DLG2: variants seen among roughly 807,000 people sequenced by gnomAD.
DLG2 encodes the protein disks large homolog 2.
A neutral mutation model predicts 132.5 loss-of-function variants in DLG2; 45 were observed. The observed-to-expected ratio is 0.34, with a 90% CI of 0.27 to 0.44. The LOEUF is 0.44. Ranked by LOEUF, DLG2 falls within the 20% of genes least tolerant of loss-of-function variation. The pLI is 1.00. For missense variants in DLG2, 1,045 were observed against 1,196.9 expected (o/e 0.87, Z 1.87); for synonymous variants, 424 against 419.6 (o/e 1.01, Z -0.13).
At chr11:84,266,097 C>G (rs1029744646) in intron 7 of DLG2, among the ~76,000 whole-genome samples, 1 of 152,052 alleles carries the variant, frequency 6.6e-6, no homozygotes, top group Non-Finnish European at 1.5e-5. Context: ...TGCTAATACT[C>G]CATTTTAATG....
chr11:83,548,976 T>C (rs1303276469), intron 19 of DLG2, among the ~76,000 whole-genome samples: 1 of 152,130 alleles, frequency 6.6e-6, no homozygotes, highest in Non-Finnish European at 1.5e-5. Context: ...GATTTATAAA[T>C]GAACAAGTGA....
intron 4 of DLG2, among the ~76,000 whole-genome samples, chr11:85,234,556 C>T (rs1309212666): frequency 6.6e-6 from 1 of 152,004 alleles, no homozygotes; most frequent in East Asian, 1.9e-4. Flanking sequence ...TTTGAGTAGA[C>T]AATTAAATGG....
chr11:84,349,821 G>A (rs980982803), intron 7 of DLG2, among the ~76,000 whole-genome samples: 8 of 145,230 alleles, frequency 5.5e-5, no homozygotes, highest in African/African-American at 2.3e-4. Context: ...GCAACACAGT[G>A]AGACTCTGCC....
Position 83,815,448 on chromosome 11 carries a change from C to T in DLG2, c.1722+18166G>A, listed in dbSNP as rs78929180. Among the ~76,000 whole-genome samples the T allele has an allele frequency of 6.0e-4, 92 of 152,264 alleles. No homozygotes were observed. In the East Asian group the frequency reaches 0.014, roughly 23 times the overall value. On this transcript the variant is annotated intron_variant, in intron 17 of 27. Transcript: ENST00000376104. Reference sequence around the variant, plus strand: ...AATTCATTCTGGATAGTTACCATCACGTAACCAGAGGTGGGAAGGTTGGTT... The same window carrying T: ...AATTCATTCTGGATAGTTACCATCATGTAACCAGAGGTGGGAAGGTTGGTT...
At chr11:85,370,246 A>AAC (rs2084873920) in intron 3 of DLG2, among the ~76,000 whole-genome samples, 1 of 152,242 alleles carries the variant, frequency 6.6e-6, no homozygotes. Context: ...ACTACTAGAA[A>AAC]TAGATTTACA....
At chr11:84,257,367 T>C (rs996521318) in intron 7 of DLG2, among the ~76,000 whole-genome samples, 3 of 152,162 alleles carry the variant, frequency 2.0e-5, no homozygotes, top group Admixed American at 2.0e-4. Flanking sequence ...TATCACTACC[T>C]GAAGGTTTGT....
At chr11:85,041,225 T>A (rs763903713) in intron 6 of DLG2, among the ~76,000 whole-genome samples, 34 of 152,060 alleles carry the variant, frequency 2.2e-4, no homozygotes, top group South Asian at 2.1e-4. Flanking sequence ...GCAGTAGCAG[T>A]GATACTATAA....
intron 7 of DLG2, among the ~76,000 whole-genome samples, chr11:84,473,544 C>A (rs985402544): frequency 3.9e-5 from 6 of 151,970 alleles, no homozygotes; most frequent in Admixed American, 1.3e-4. Flanking sequence ...AATGCCATCA[C>A]TCTTACTTGG....
intron 3 of DLG2, among the ~76,000 whole-genome samples, chr11:85,405,340 G>A (rs1311498206): frequency 2.0e-5 from 3 of 151,910 alleles, no homozygotes; most frequent in Non-Finnish European, 4.4e-5. Context: ...TGGCCAAGAA[G>A]TCCTTACGCA....
chr11:85,279,498 C>T (rs2078101781), intron 4 of DLG2, among the ~76,000 whole-genome samples: 1 of 152,040 alleles, frequency 6.6e-6, no homozygotes. Flanking sequence ...GTAGCTAAAG[C>T]TTATGTATGA....
intron 6 of DLG2, among the ~76,000 whole-genome samples, chr11:84,816,039 G>C (rs1052005199): frequency 1.3e-5 from 2 of 152,046 alleles, no homozygotes; most frequent in African/African-American, 4.8e-5. Context: ...AAGGACAAAT[G>C]AGTGGAAGTA....
At chr11:84,018,891 CAT>C (rs1379832173) in intron 11 of DLG2, among the ~76,000 whole-genome samples, 1 of 150,842 alleles carries the variant, frequency 6.6e-6, no homozygotes, top group African/African-American at 2.4e-5. Flanking sequence ...TCCAGGAAAA[CAT>C]ATAGGAATAG....
intron 11 of DLG2, among the ~76,000 whole-genome samples, chr11:84,034,360 A>G (rs2095802519): frequency 2.0e-5 from 3 of 152,164 alleles, no homozygotes; most frequent in Admixed American, 2.0e-4. Context: ...TGTAAACATA[A>G]CTGTTACATG....
At chr11:84,770,112 C>G (rs896510557) in intron 6 of DLG2, among the ~76,000 whole-genome samples, 5 of 152,060 alleles carry the variant, frequency 3.3e-5, no homozygotes, top group African/African-American at 7.2e-5. Context: ...TGAGTTCTTG[C>G]AAGATCTGGT....
intron 6 of DLG2, among the ~76,000 whole-genome samples, chr11:84,538,591 T>A (rs1001452144): frequency 1.3e-5 from 2 of 150,592 alleles, no homozygotes; most frequent in Admixed American, 1.3e-4. Flanking sequence ...CTTCCCTTAC[T>A]CCCTATGTTT....
At chr11:85,193,386 G>T (rs901199419) in intron 4 of DLG2, among the ~76,000 whole-genome samples, 1 of 152,144 alleles carries the variant, frequency 6.6e-6, no homozygotes, top group East Asian at 1.9e-4. Context: ...TCATATATAA[G>T]TTTTCATAGA....
chr11:84,065,761 C>T (rs920218258), intron 10 of DLG2, among the ~76,000 whole-genome samples: 2 of 152,126 alleles, frequency 1.3e-5, no homozygotes, highest in African/African-American at 4.8e-5. Context: ...AAGATATATG[C>T]ACACATATGT....
intron 4 of DLG2, among the ~76,000 whole-genome samples, chr11:85,226,860 C>G (rs911148340): frequency 6.6e-6 from 1 of 152,098 alleles, no homozygotes; most frequent in Admixed American, 6.6e-5. Context: ...ATAGATTGTT[C>G]AGAACTAGAG....
chr11:84,224,795 G>A (rs1869471), intron 8 of DLG2, among the ~76,000 whole-genome samples: 106,101 of 151,996 alleles, frequency 0.7, 37,398 homozygotes, highest in Middle Eastern at 0.79. Flanking sequence ...CTAATCTTAC[G>A]GATCTTATTC....
Sources: allele counts gnomAD v4.1 joint callset (sites outside exome capture counted in the v4.1 genomes callset), GRCh38; gene constraint gnomAD v4.1.1; transcripts MANE v1.5; gene names NCBI Gene and HGNC (gene_info 2026-07-23, HGNC 2026-07-21).